Variants in TDP1 observed in about 807,000 individuals in gnomAD.
TDP1 encodes tyrosyl-DNA phosphodiesterase 1.
In TDP1, 64 loss-of-function variants were observed where a neutral mutation model predicts 81.5. The ratio of observed to expected loss-of-function variants is 0.79; its 90% CI spans 0.64 to 0.97. TDP1 has a LOEUF of 0.97. Among genes scored for constraint, TDP1 ranks in the 50% least tolerant of loss-of-function variants. TDP1 has a pLI of 0.00. For synonymous variants in TDP1, 256 were observed against 264.3 expected (o/e 0.97, Z 0.30); for missense variants, 723 against 743.8 (o/e 0.97, Z 0.33).
chr14:89,989,562 AT>A (rs1895955519), intron 11 of TDP1, 154 bp from the exon 12 acceptor site: 4 of 624,024 alleles, frequency 6.4e-6, no homozygotes, highest in Non-Finnish European at 8.0e-6. Context: ...TTACTAGTTC[AT>A]TTTTTTCATA....
chr14:89,964,801 G>A (rs1892745154), intron 3 of TDP1: 1 of 405,030 alleles, frequency 2.5e-6, no homozygotes, highest in Non-Finnish European at 4.8e-6. Flanking sequence ...CCAAGGTATT[G>A]TGGTAACATG....
chr14:90,043,394 A>G lies in TDP1; in HGVS notation c.*251A>G, dbSNP rs1453664690. 1.8e-6 allele frequency: 1 copy of G among 569,614 alleles called. No individual in the cohort carries two copies. Among genetic ancestry groups the G allele is most frequent in the Non-Finnish European group, 3.1e-6 (1 of 320,066 alleles). The allele number at this position is 569,614 out of a possible 1,614,324, so 35.3% of individuals were successfully genotyped here. A position where few individuals can be genotyped will look rare whatever the true frequency, so the allele number is the denominator to read the frequency against. On this transcript the variant is annotated 3_prime_UTR_variant, in exon 17 of 17. Coordinates refer to ENST00000335725, the MANE Select transcript of TDP1 (RefSeq NM_018319.4). ...ATTAGTGAACTTCTCTATGTTAAAA[A>G]TACGTACTGCTTGAGTATCCCCTGT...
intron 14 of TDP1, among the ~76,000 whole-genome samples, chr14:90,002,941 T>C (rs1159373617): frequency 6.6e-6 from 1 of 151,794 alleles, no homozygotes; most frequent in African/African-American, 2.4e-5. Flanking sequence ...TTTTATTTTA[T>C]TTATTTATTT....
At chr14:90,001,988 T>C (rs1363309066) in intron 14 of TDP1, among the ~76,000 whole-genome samples, 1 of 152,212 alleles carries the variant, frequency 6.6e-6, no homozygotes. Flanking sequence ...CTTTTTCTGC[T>C]TAGCATCTAA....
intron 3 of TDP1, chr14:89,964,929 C>T (rs1892765496): frequency 7.3e-6 from 3 of 412,210 alleles, no homozygotes; most frequent in Middle Eastern, 3.4e-4. Flanking sequence ...TGCCCAAGGT[C>T]GTAGAGCTGG....
At chr14:90,013,524 C>G (rs144239911) in intron 14 of TDP1, among the ~76,000 whole-genome samples, 1 of 152,192 alleles carries the variant, frequency 6.6e-6, no homozygotes, top group Admixed American at 6.5e-5. Flanking sequence ...CTGCTATGAT[C>G]GTGAGGCCTC....
chr14:89,962,759 C>T (rs34510655), intron 2 of TDP1: 5,741 of 204,954 alleles, frequency 0.028, 121 homozygotes, highest in African/African-American at 0.067. Flanking sequence ...GTAGTTCCAG[C>T]TATTCGAGAG....
At chr14:90,003,227 C>T (rs909955273) in intron 14 of TDP1, among the ~76,000 whole-genome samples, 4 of 152,202 alleles carry the variant, frequency 2.6e-5, no homozygotes, top group Admixed American at 6.5e-5. Flanking sequence ...TGAGCCACTG[C>T]GCCCAGCCAT....
chr14:89,993,017 C>G (rs1896350195), intron 13 of TDP1: 1 of 905,444 alleles, frequency 1.1e-6, no homozygotes, highest in South Asian at 5.1e-5. Context: ...TCATAACACA[C>G]CGTGGAAGCA....
At chr14:89,960,741 T>G (rs181846076) in intron 2 of TDP1, among the ~76,000 whole-genome samples, 1 of 152,302 alleles carries the variant, frequency 6.6e-6, no homozygotes, top group African/African-American at 2.4e-5. Flanking sequence ...CATTCTTGCA[T>G]AAAAGTTCCT....
intron 14 of TDP1, among the ~76,000 whole-genome samples, chr14:90,002,414 C>T (rs900999869): frequency 2.0e-5 from 3 of 152,240 alleles, no homozygotes; most frequent in East Asian, 1.9e-4. Flanking sequence ...AGAAAACATG[C>T]GGTTGTTTCC....
chr14:89,974,379 G>T (rs1382869102), intron 6 of TDP1, among the ~76,000 whole-genome samples: 3 of 152,158 alleles, frequency 2.0e-5, no homozygotes, highest in Non-Finnish European at 2.9e-5. Context: ...TTATAGAGTG[G>T]CAGTCTTCCT....
intron 14 of TDP1, among the ~76,000 whole-genome samples, chr14:90,006,353 T>G (rs1897684490): frequency 6.6e-6 from 1 of 152,154 alleles, no homozygotes; most frequent in African/African-American, 2.4e-5. Context: ...TTGCATCCTC[T>G]TAGTAGTTAA....
chr14:89,971,203 G>A lies in TDP1; in HGVS notation c.688G>A (p.Asp230Asn). Residue 230 changes from aspartate to asparagine, a missense_variant, in exon 6 of 17, where the codon GAT becomes AAT. Coordinates refer to ENST00000335725, the MANE Select transcript of TDP1 (RefSeq NM_018319.4). ...GAAGCCAATCCTGCTTGTGCATGGT[G>A]ATAAGCGAGAGGCTAAGGCTCACCT... ...RKKPILLVHG[D>N]KREAKAHLHA... The A allele has an allele frequency of 6.2e-7, 1 of 1,614,080 alleles. No individual in the cohort carries two copies. The highest frequency in any genetic ancestry group is 1.1e-5 in the South Asian group (1 of 91,076).
Position 90,043,384 on chromosome 14 carries a change from T to G in TDP1, c.*241T>G. On this transcript the variant is annotated 3_prime_UTR_variant, in exon 17 of 17. Transcript: ENST00000335725. ...TGGAAAGAAAATTAGTGAACTTCTCTATGTTAAAAATACGTACTGCTTGAG... is the reference window on the plus strand; with the variant it reads ...TGGAAAGAAAATTAGTGAACTTCTCGATGTTAAAAATACGTACTGCTTGAG... The G allele has an allele frequency of 6.8e-6, 4 of 584,142 alleles. No individual in the cohort carries two copies. The highest frequency in any genetic ancestry group is 9.1e-6 in the Non-Finnish European group (3 of 329,554). 36.2% of individuals were successfully genotyped at this position (584,142 alleles called of 1,614,324 possible).
At chr14:90,014,091 A>G (rs1596644087) in intron 14 of TDP1, among the ~76,000 whole-genome samples, 1 of 152,218 alleles carries the variant, frequency 6.6e-6, no homozygotes, top group Admixed American at 6.5e-5. Context: ...TATTTTGCCT[A>G]TTAGACTTGT....
chr14:89,968,156 G>A (rs2139984787), intron 5 of TDP1, among the ~76,000 whole-genome samples: 1 of 143,498 alleles, frequency 7.0e-6, no homozygotes, highest in East Asian at 2.0e-4. Flanking sequence ...TTTGGCACTT[G>A]GGGCTTTTTT....
At chr14:90,010,756 A>G (rs867330011) in intron 14 of TDP1, among the ~76,000 whole-genome samples, 3 of 152,146 alleles carry the variant, frequency 2.0e-5, no homozygotes, top group Non-Finnish European at 4.4e-5. Flanking sequence ...ATTTTACTTT[A>G]CTTTGTGTAA....
chr14:89,991,475 A>C, intron 12 of TDP1: 3 of 784,076 alleles, frequency 3.8e-6, no homozygotes, highest in Non-Finnish European at 4.6e-6. Flanking sequence ...GACACAGAAG[A>C]ATTGTAAATA....
Sources: allele counts gnomAD v4.1 joint callset (sites outside exome capture counted in the v4.1 genomes callset), GRCh38; gene constraint gnomAD v4.1.1; transcripts MANE v1.5; gene names NCBI Gene and HGNC (gene_info 2026-07-23, HGNC 2026-07-21).